SFT2D2: variants seen among roughly 807,000 people sequenced by gnomAD.
SFT2D2 encodes SFT2 domain containing 2.
A neutral mutation model predicts 27.4 loss-of-function variants in SFT2D2; 21 were observed. That is an observed-to-expected ratio of 0.77 (90% CI 0.54 to 1.10). SFT2D2 has a LOEUF of 1.10. SFT2D2 is among the 50% of genes least tolerant of loss of function. The probability of loss-of-function intolerance (pLI) is 0.00; values close to 1 mark genes in which losing one functional copy is unlikely to be tolerated. For synonymous variants in SFT2D2, 72 were observed against 71.7 expected (o/e 1.00, Z -0.02); for missense variants, 187 against 194.2 (o/e 0.96, Z 0.22).
At chr1:168,238,202 T>G (rs1254703399) in intron 6 of SFT2D2, among the ~76,000 whole-genome samples, 8 of 152,224 alleles carry the variant, frequency 5.3e-5, no homozygotes, top group Non-Finnish European at 1.2e-4. Flanking sequence ...CCAAGATACC[T>G]TTGGACGTAC....
At position 168,246,205 on chromosome 1, in the gene SFT2D2, G is replaced by A. The variant is rs1162947273; in HGVS notation, c.*3665G>A. On this transcript the variant is annotated 3_prime_UTR_variant, in exon 8 of 8. Transcript: ENST00000271375. ...TCCTCTTGTTCTTCTAGCAAAAGACGGTGCTTTATGCACTCAGCTTGAAGA... is the reference window on the plus strand; with the variant it reads ...TCCTCTTGTTCTTCTAGCAAAAGACAGTGCTTTATGCACTCAGCTTGAAGA... 4 of 267,348 alleles carry A rather than the reference G, an allele frequency of 1.5e-5. No individual in the cohort carries two copies. Among genetic ancestry groups the A allele is most frequent in the South Asian group, 3.8e-5 (1 of 26,232 alleles). 16.6% of individuals were successfully genotyped at this position (267,348 alleles called of 1,614,324 possible). A position where few individuals can be genotyped will look rare whatever the true frequency, so the allele number is the denominator to read the frequency against.
In SFT2D2 at chr1:168,246,540, A is replaced by G. The variant is rs56206841; in HGVS notation, c.*4000A>G. 28,931 of 1,500,040 alleles carry G rather than the reference A, an allele frequency of 0.019. 416 individuals carry two copies. Among genetic ancestry groups the G allele is most frequent in the Non-Finnish European group, 0.024 (26,074 of 1,096,986 alleles). 92.9% of individuals were successfully genotyped at this position (1,500,040 alleles called of 1,614,324 possible). ...TTTTGAGGCACCTGGACTTACTCTC[A>G]GCTTTAGAAAGTTGCTGAGAAAGAA... is the stretch of plus-strand genomic sequence containing the variant. On this transcript the variant is annotated 3_prime_UTR_variant, in exon 8 of 8. Coordinates refer to ENST00000271375, the MANE Select transcript of SFT2D2 (RefSeq NM_199344.3).
At chr1:168,242,398 G>T in intron 7 of SFT2D2, 103 bp from the exon 8 acceptor site, 1 of 1,227,612 alleles carries the variant, frequency 8.1e-7, no homozygotes, top group Non-Finnish European at 1.2e-6. Flanking sequence ...TGATCTTTCA[G>T]TCTAGGTGCT....
At chr1:168,235,903 T>G (rs1335987239) in intron 4 of SFT2D2, among the ~76,000 whole-genome samples, 1 of 152,240 alleles carries the variant, frequency 6.6e-6, no homozygotes, top group Non-Finnish European at 1.5e-5. Flanking sequence ...AGGTGAGTTA[T>G]CAAAAGCTGT....
rs1647972583 is a variant in SFT2D2 at position 168,252,508 on chromosome 1, G to T, written c.*9968G>T. 1.3e-5 allele frequency: 2 copies of T among 152,100 alleles called. No homozygotes were observed. The allele number at this position is 152,100 out of a possible 1,614,324, so 9.4% of individuals were successfully genotyped here. On this transcript the variant is annotated 3_prime_UTR_variant, in exon 8 of 8. Transcript: ENST00000271375. ...TGTAATCTCCCAAGGGAGAGCTATG[G>T]TTTACATTCAATTTTTTGGTCTTTC... is the stretch of plus-strand genomic sequence containing the variant.
intron 7 of SFT2D2, among the ~76,000 whole-genome samples, chr1:168,241,841 T>C (rs1647648982): frequency 6.6e-6 from 1 of 152,158 alleles, no homozygotes; most frequent in African/African-American, 2.4e-5. Context: ...CCCTCCCTTA[T>C]GTGACTCCCA....
intron 6 of SFT2D2, among the ~76,000 whole-genome samples, chr1:168,238,135 C>T (rs755128898): frequency 6.6e-6 from 1 of 152,062 alleles, no homozygotes; most frequent in Non-Finnish European, 1.5e-5. Flanking sequence ...CATTATGGAG[C>T]CTGTTCCTTG....
chr1:168,235,503 C>CG (rs1647471198), intron 4 of SFT2D2, among the ~76,000 whole-genome samples: 1 of 152,178 alleles, frequency 6.6e-6, no homozygotes, highest in Non-Finnish European at 1.5e-5. Context: ...GTGGAAGCCA[C>CG]ACACAGGCAG....
intron 3 of SFT2D2, 62 bp from the exon 4 acceptor site, chr1:168,235,039 G>A (rs979361630): frequency 1.1e-5 from 16 of 1,426,712 alleles, no homozygotes; most frequent in Non-Finnish European, 1.6e-5. Flanking sequence ...TTGGGGAGGC[G>A]ACTCAGTGTG....
rs1647555028 is a variant in SFT2D2 at position 168,238,134 on chromosome 1, GC to G, written c.414-995del. Among the ~76,000 whole-genome samples the G allele has an allele frequency of 3.3e-5, 5 of 152,216 alleles. No individual in the cohort carries two copies. In the South Asian group the frequency reaches 1.0e-3, roughly 32 times the overall value. On this transcript the variant is annotated intron_variant, in intron 6 of 7. Coordinates refer to ENST00000271375, the MANE Select transcript of SFT2D2 (RefSeq NM_199344.3). ...GTGCCTGGTTCTTTAGCATTATGGAGCCTGTTCCTTGTATATGGTTTCCTTC... is the reference window on the plus strand; with the variant it reads ...GTGCCTGGTTCTTTAGCATTATGGAGCTGTTCCTTGTATATGGTTTCCTTC...
chr1:168,226,277 G>T, intron 1 of SFT2D2, 135 bp downstream of exon 1: 1 of 700,894 alleles, frequency 1.4e-6, no homozygotes. Flanking sequence ...CTCTTCTTCT[G>T]CAGGGCTCCG....
chr1:168,237,721 T>TTGGA (rs1647539241), intron 6 of SFT2D2, among the ~76,000 whole-genome samples: 1 of 152,234 alleles, frequency 6.6e-6, no homozygotes, highest in Non-Finnish European at 1.5e-5. Context: ...TTTAGCAATT[T>TTGGA]TGGACTTTTG....
chr1:168,246,641 C>G lies in SFT2D2; in HGVS notation c.*4101C>G, dbSNP rs1647820659. Reference sequence around the variant, plus strand: ...GTGCCCTGGAAATCAAGCTCTTGGTCTCTTTCTGTTGAGTGACTTTGATCA... The same window carrying G: ...GTGCCCTGGAAATCAAGCTCTTGGTGTCTTTCTGTTGAGTGACTTTGATCA... On this transcript the variant is annotated 3_prime_UTR_variant, in exon 8 of 8. Coordinates refer to ENST00000271375, the MANE Select transcript of SFT2D2 (RefSeq NM_199344.3). 7.2e-7 allele frequency: 1 copy of G among 1,393,484 alleles called. No homozygotes were observed. The highest frequency in any genetic ancestry group is 1.0e-6 in the Non-Finnish European group (1 of 999,026). 86.3% of individuals were successfully genotyped at this position (1,393,484 alleles called of 1,614,324 possible).
At position 168,251,464 on chromosome 1, in the gene SFT2D2, A is replaced by G. The variant is rs1647950085; in HGVS notation, c.*8924A>G. On this transcript the variant is annotated 3_prime_UTR_variant, in exon 8 of 8. Transcript: ENST00000271375. ...GATTTGCATCATGAGACTTAGTGGA[A>G]TGAATTGGGAAATTGAAGGGCAGCC... The G allele has an allele frequency of 6.6e-6, 1 of 152,206 alleles. No homozygotes were observed. Among genetic ancestry groups the G allele is most frequent in the Admixed American group, 6.5e-5 (1 of 15,274 alleles). The allele number at this position is 152,206 out of a possible 1,614,324, so 9.4% of individuals were successfully genotyped here. A position where few individuals can be genotyped will look rare whatever the true frequency, so the allele number is the denominator to read the frequency against.
chr1:168,230,325 C>A (rs765301425), intron 1 of SFT2D2, among the ~76,000 whole-genome samples: 21 of 152,176 alleles, frequency 1.4e-4, no homozygotes, highest in Non-Finnish European at 7.4e-5. Flanking sequence ...ACTATGCTGG[C>A]CATACAAGGT....
At chr1:168,231,644 T>G (rs1182645811) in intron 2 of SFT2D2, 44 bp downstream of exon 2, 2 of 1,577,468 alleles carry the variant, frequency 1.3e-6, no homozygotes. Context: ...CTACCTGTCT[T>G]TGCTATATAT....
intron 1 of SFT2D2, among the ~76,000 whole-genome samples, chr1:168,227,336 A>T (rs1439220086): frequency 6.6e-6 from 1 of 152,218 alleles, no homozygotes; most frequent in Non-Finnish European, 1.5e-5. Context: ...ACTGGAAACT[A>T]ATCAGTGTTT....
At chr1:168,235,600 A>G (rs909764762) in intron 4 of SFT2D2, among the ~76,000 whole-genome samples, 6 of 152,154 alleles carry the variant, frequency 3.9e-5, no homozygotes, top group African/African-American at 1.2e-4. Flanking sequence ...ATTCCTCATT[A>G]TCTGACTTGG....
At position 168,249,518 on chromosome 1, in the gene SFT2D2, G is replaced by T. The variant is rs766255454; in HGVS notation, c.*6978G>T. The T allele has an allele frequency of 2.5e-4, 38 of 152,872 alleles. No homozygotes were observed. Among genetic ancestry groups the T allele is most frequent in the Non-Finnish European group, 4.8e-4 (33 of 68,214 alleles). The allele number at this position is 152,872 out of a possible 1,614,324, so 9.5% of individuals were successfully genotyped here. Reference sequence around the variant, plus strand: ...CCCAAAGTGCTGGGATTACAGGCGTGAGCCACCATGCCCAGCCCCATGTCC... The same window carrying T: ...CCCAAAGTGCTGGGATTACAGGCGTTAGCCACCATGCCCAGCCCCATGTCC... On this transcript the variant is annotated 3_prime_UTR_variant, in exon 8 of 8. Transcript: ENST00000271375.
Sources: gnomAD v4.1 joint callset for allele counts (sites outside exome capture counted in the v4.1 genomes callset) on GRCh38, gnomAD v4.1.1 for gene constraint, MANE v1.5 for transcripts, NCBI Gene and HGNC (gene_info 2026-07-23, HGNC 2026-07-21) for gene names.